Variants in CCDC18 observed in about 807,000 individuals in gnomAD.
CCDC18 encodes the protein coiled-coil domain-containing protein 18.
In CCDC18, 157 loss-of-function variants were observed where a neutral mutation model predicts 196.0. The ratio of observed to expected loss-of-function variants is 0.80; its 90% CI spans 0.70 to 0.91. The LOEUF is 0.91. Ranked by LOEUF, CCDC18 falls within the 40% of genes least tolerant of loss-of-function variation. CCDC18 has a pLI of 0.00. For missense variants in CCDC18, 1,465 were observed against 1,611.6 expected (o/e 0.91, Z 1.56); for synonymous variants, 482 against 529.2 (o/e 0.91, Z 1.22).
intron 17 of CCDC18, among the ~76,000 whole-genome samples, chr1:93,231,096 T>C (rs974929208): frequency 6.6e-6 from 1 of 152,226 alleles, no homozygotes; most frequent in African/African-American, 2.4e-5. Context: ...CTTCTCATAA[T>C]GAGCAAAGAA....
chr1:93,189,477 G>A (rs954667242), intron 4 of CCDC18, among the ~76,000 whole-genome samples: 27 of 152,112 alleles, frequency 1.8e-4, no homozygotes, highest in Non-Finnish European at 3.2e-4. Context: ...TTTCTTTTGG[G>A]TATATGCCCA....
At chr1:93,261,579 A>G (rs1663796265) in intron 26 of CCDC18, among the ~76,000 whole-genome samples, 1 of 152,060 alleles carries the variant, frequency 6.6e-6, no homozygotes, top group Non-Finnish European at 1.5e-5. Context: ...ATGATTCTAA[A>G]TGTATTTAAG....
At chr1:93,240,011 C>T in intron 21 of CCDC18, 115 bp downstream of exon 21, 1 of 735,282 alleles carries the variant, frequency 1.4e-6, no homozygotes, top group Non-Finnish European at 2.2e-6. Flanking sequence ...CTCACTTTGG[C>T]TCATCCCAGC....
In CCDC18 at chr1:93,239,898, TG is replaced by T; in HGVS notation, c.2981+3del. On this transcript the variant is annotated splice_donor_region_variant and intron_variant, in intron 21 of 28. Coordinates refer to ENST00000690025, the MANE Select transcript of CCDC18 (RefSeq NM_001378204.1). ...AAAGGATCTCACAGCTGAACTTAGGTGAGTTAAATAATAAGAAATTATATCA... is the reference window on the plus strand; with the variant it reads ...AAAGGATCTCACAGCTGAACTTAGGTAGTTAAATAATAAGAAATTATATCA... The T allele has an allele frequency of 6.5e-7, 1 of 1,550,302 alleles. No homozygotes were observed.
chr1:93,220,919 T>C (rs1657335032), intron 14 of CCDC18, among the ~76,000 whole-genome samples: 1 of 152,186 alleles, frequency 6.6e-6, no homozygotes, highest in Non-Finnish European at 1.5e-5. Flanking sequence ...CTGAGGATAA[T>C]GGCTTCCAAC....
intron 28 of CCDC18, among the ~76,000 whole-genome samples, chr1:93,272,406 C>A (rs557394012): frequency 2.0e-5 from 3 of 152,128 alleles, no homozygotes; most frequent in African/African-American, 4.8e-5. Context: ...GCTGTGCTGG[C>A]CAAAATTTCA....
intron 21 of CCDC18, among the ~76,000 whole-genome samples, chr1:93,240,973 A>G (rs1024982622): frequency 1.3e-5 from 2 of 151,966 alleles, no homozygotes; most frequent in African/African-American, 4.8e-5. Context: ...ACATATATAT[A>G]TATTTTTTTT....
chr1:93,258,869 A>C lies in CCDC18; in HGVS notation c.3668A>C (p.Glu1223Ala). 1.3e-6 allele frequency: 2 copies of C among 1,595,136 alleles called. No homozygotes were observed. The highest frequency in any genetic ancestry group is 1.7e-6 in the Non-Finnish European group (2 of 1,172,410). ...KLSAEVESLK[E>A]AYHMEMISHQ... ...TCAGCAGAAGTAGAATCTCTCAAAGAAGCTTATCATATGGAGGTAAAGAAA... is the reference window on the plus strand; with the variant it reads ...TCAGCAGAAGTAGAATCTCTCAAAGCAGCTTATCATATGGAGGTAAAGAAA... The change falls in exon 26 of 29, where the codon GAA becomes GCA. Residue 1223 changes from glutamate to alanine, a missense_variant. By Grantham distance (107) the Glu-to-Ala change is moderately radical. Coordinates refer to ENST00000690025, the MANE Select transcript of CCDC18 (RefSeq NM_001378204.1).
At chr1:93,196,914 T>A (rs1304767981) in intron 6 of CCDC18, among the ~76,000 whole-genome samples, 1 of 152,200 alleles carries the variant, frequency 6.6e-6, no homozygotes. Context: ...AAACCAGGCT[T>A]ACTGGTGTTC....
chr1:93,199,429 G>T (rs1340204609), intron 6 of CCDC18, among the ~76,000 whole-genome samples: 1 of 151,710 alleles, frequency 6.6e-6, no homozygotes, highest in Non-Finnish European at 1.5e-5. Context: ...AGGGAACGGG[G>T]TGGTACTGGA....
intron 7 of CCDC18, 42 bp from the exon 8 acceptor site, chr1:93,205,468 C>T (rs1267317725): frequency 8.5e-6 from 13 of 1,534,616 alleles, no homozygotes; most frequent in Non-Finnish European, 4.4e-6. Flanking sequence ...ACACCTAAAA[C>T]TTACAACCAC....
At chr1:93,256,901 T>A (rs1663032467) in intron 25 of CCDC18, among the ~76,000 whole-genome samples, 1 of 152,054 alleles carries the variant, frequency 6.6e-6, no homozygotes, top group Non-Finnish European at 1.5e-5. Context: ...CTTTTTTGAG[T>A]AAAAATTTTT....
At chr1:93,277,278 C>T (rs1212099135) in intron 28 of CCDC18, among the ~76,000 whole-genome samples, 1 of 31,438 alleles carries the variant, frequency 3.2e-5, no homozygotes, top group Non-Finnish European at 5.3e-5. Context: ...CTTGTCTCAA[C>T]TGCAAGAGGC....
At position 93,270,568 on chromosome 1, in the gene CCDC18, T is replaced by G; in HGVS notation, c.4107T>G (p.Asp1369Glu). 1 of 1,550,436 alleles carries G rather than the reference T, an allele frequency of 6.4e-7. No individual in the cohort carries two copies. The highest frequency in any genetic ancestry group is 8.7e-7 in the Non-Finnish European group (1 of 1,146,902). Residue 1369 changes from aspartate to glutamate, a missense_variant, in exon 28 of 29, where the codon GAT becomes GAG. Physicochemically the swap from Asp to Glu is conservative, Grantham distance 45. Coordinates refer to ENST00000690025, the MANE Select transcript of CCDC18 (RefSeq NM_001378204.1). Reference sequence around the variant, plus strand: ...CTTTCAAAATTCATGGTGATGAAGATCTTTCTGAAGAATTACTACAGGACT... The same window carrying G: ...CTTTCAAAATTCATGGTGATGAAGAGCTTTCTGAAGAATTACTACAGGACT... ...DLTFKIHGDE[D>E]LSEELLQDLK...
At chr1:93,266,318 C>T (rs1664494632) in intron 27 of CCDC18, among the ~76,000 whole-genome samples, 2 of 152,172 alleles carry the variant, frequency 1.3e-5, no homozygotes, top group African/African-American at 4.8e-5. Flanking sequence ...ATTTATAGCA[C>T]TAAATGCCCA....
At chr1:93,243,709 A>G (rs1165485702) in intron 21 of CCDC18, among the ~76,000 whole-genome samples, 4 of 152,150 alleles carry the variant, frequency 2.6e-5, no homozygotes, top group Non-Finnish European at 5.9e-5. Flanking sequence ...AAATTCCACA[A>G]ATCTCTAGGG....
At chr1:93,230,035 C>T (rs1658992495) in intron 17 of CCDC18, among the ~76,000 whole-genome samples, 1 of 151,468 alleles carries the variant, frequency 6.6e-6, no homozygotes, top group Non-Finnish European at 1.5e-5. Flanking sequence ...ATGAGACTTT[C>T]TGCTTTGGGT....
At chr1:93,181,173 AAAAG>A (rs1397536336) in intron 1 of CCDC18, among the ~76,000 whole-genome samples, 2 of 150,368 alleles carry the variant, frequency 1.3e-5, no homozygotes, top group Non-Finnish European at 3.0e-5. Flanking sequence ...AAAAAAAAAA[AAAAG>A]AGGAAACTGT....
intron 7 of CCDC18, among the ~76,000 whole-genome samples, chr1:93,203,732 G>A (rs1416911624): frequency 6.6e-6 from 1 of 152,126 alleles, no homozygotes; most frequent in East Asian, 1.9e-4. Context: ...TCAGCAGGCT[G>A]AGGTAGAAGG....
Sources: gnomAD v4.1 joint callset for allele counts (sites outside exome capture counted in the v4.1 genomes callset) on GRCh38, gnomAD v4.1.1 for gene constraint, MANE v1.5 for transcripts, NCBI Gene and HGNC (gene_info 2026-07-23, HGNC 2026-07-21) for gene names.